The following CNTNAP2 variants were observed in gnomAD, a reference collection of about 807,000 sequenced individuals.
The protein encoded by CNTNAP2 is contactin associated protein 2.
A neutral mutation model predicts 155.2 loss-of-function variants in CNTNAP2; 98 were observed. The observed-to-expected ratio is 0.63, with a 90% CI of 0.54 to 0.75. The LOEUF is 0.75. Ranked by LOEUF, CNTNAP2 falls within the 30% of genes least tolerant of loss-of-function variation. The pLI is 0.00. For synonymous variants in CNTNAP2, 651 were observed against 631.2 expected, an observed-to-expected ratio of 1.03 and a Z score of -0.47; for missense variants, 1,727 against 1,688.1, an observed-to-expected ratio of 1.02 and a Z score of -0.40.
intron 11 of CNTNAP2, among the ~76,000 whole-genome samples, chr7:147,486,596 A>G (rs956155494): frequency 2.0e-5 from 3 of 152,214 alleles, no homozygotes; most frequent in Non-Finnish European, 4.4e-5. Context: ...AAGAGGGTAA[A>G]AATATTTTAA....
intron 13 of CNTNAP2, among the ~76,000 whole-genome samples, chr7:147,864,856 A>G (rs1799200022): frequency 1.3e-5 from 2 of 152,198 alleles, no homozygotes; most frequent in South Asian, 2.1e-4. Flanking sequence ...TAAATATACA[A>G]TCATGTCATC....
intron 10 of CNTNAP2, among the ~76,000 whole-genome samples, chr7:147,436,054 A>G (rs867813737): frequency 1.3e-5 from 2 of 152,178 alleles, no homozygotes; most frequent in African/African-American, 4.8e-5. Context: ...GTAAACAACA[A>G]TGGTGCCAGA....
chr7:148,388,408 C>T (rs1316192424), intron 22 of CNTNAP2, among the ~76,000 whole-genome samples: 2 of 149,778 alleles, frequency 1.3e-5, no homozygotes, highest in Non-Finnish European at 1.5e-5. Context: ...GGTTTTTTGT[C>T]CTTGCGATAG....
At chr7:146,700,304 C>T (rs560786360) in intron 1 of CNTNAP2, among the ~76,000 whole-genome samples, 1 of 152,160 alleles carries the variant, frequency 6.6e-6, no homozygotes, top group East Asian at 1.9e-4. Flanking sequence ...CAGTGGTTTG[C>T]CCTGTGATCC....
chr7:148,197,510 C>T (rs924300529), intron 18 of CNTNAP2, among the ~76,000 whole-genome samples: 10 of 152,232 alleles, frequency 6.6e-5, no homozygotes, highest in Admixed American at 3.3e-4. Context: ...AGTGTTTACC[C>T]GTTCTTTTTA....
At chr7:147,501,931 A>G (rs920619805) in intron 11 of CNTNAP2, among the ~76,000 whole-genome samples, 24 of 152,224 alleles carry the variant, frequency 1.6e-4, no homozygotes, top group Admixed American at 1.6e-3. Flanking sequence ...CTACCAATGA[A>G]CTATCTGAAA....
At chr7:146,699,636 G>A (rs2101777) in intron 1 of CNTNAP2, among the ~76,000 whole-genome samples, 9,217 of 152,090 alleles carry the variant, frequency 0.061, 403 homozygotes, top group African/African-American at 0.12. Context: ...TTGGGCTGTA[G>A]TAAACTAGTT....
chr7:146,663,299 GAAAGAAAGAAAAAGAAAGGA>G (rs1563178208), intron 1 of CNTNAP2, among the ~76,000 whole-genome samples: 1 of 100,996 alleles, frequency 9.9e-6, no homozygotes, highest in Non-Finnish European at 1.8e-5. Context: ...AAAAAAAAAA[GAAAGAAAGAAAAAGAAAGGA>G]AAAAAAAAGA....
chr7:147,192,144 ACT>A (rs1385706333), intron 8 of CNTNAP2, among the ~76,000 whole-genome samples: 1 of 152,168 alleles, frequency 6.6e-6, no homozygotes. Context: ...TCTCAGCAAG[ACT>A]CTCAACACCA....
chr7:148,140,391 G>T (rs999715038), intron 16 of CNTNAP2, among the ~76,000 whole-genome samples: 3 of 151,334 alleles, frequency 2.0e-5, no homozygotes, highest in Non-Finnish European at 4.4e-5. Flanking sequence ...GGTCAATCTG[G>T]CATGGTAAGG....
At chr7:146,295,312 G>GT (rs982431543) in intron 1 of CNTNAP2, among the ~76,000 whole-genome samples, 55 of 143,784 alleles carry the variant, frequency 3.8e-4, no homozygotes, top group East Asian at 1.7e-3. Flanking sequence ...TGCAAAAACT[G>GT]TTTTTTTTGG....
At chr7:148,413,455 TAGTTTTCTTGTAAC>T (rs1799902157) in intron 23 of CNTNAP2, among the ~76,000 whole-genome samples, 2 of 128,310 alleles carry the variant, frequency 1.6e-5, no homozygotes, top group African/African-American at 5.9e-5. Flanking sequence ...TATTGCTCCA[TAGTTTTCTTGTAAC>T]ATTTTTCTGG....
chr7:147,369,743 C>T (rs530421198), intron 9 of CNTNAP2, among the ~76,000 whole-genome samples: 3 of 152,264 alleles, frequency 2.0e-5, no homozygotes, highest in African/African-American at 7.2e-5. Flanking sequence ...TCATAGTTTG[C>T]CCATGCCTGA....
At chr7:146,355,340 A>G (rs1162990595) in intron 1 of CNTNAP2, among the ~76,000 whole-genome samples, 3 of 152,230 alleles carry the variant, frequency 2.0e-5, no homozygotes, top group Non-Finnish European at 4.4e-5. Context: ...ATAGTGTCAG[A>G]TAACTGAAGT....
In CNTNAP2 at chr7:147,378,074, T is replaced by G. The variant is rs561960214; in HGVS notation, c.1499-17535T>G. The G allele has an allele frequency of 3.4e-3, 1,591 of 464,854 alleles. 15 individuals are homozygous for G. The highest frequency in any genetic ancestry group is 4.7e-3 in the Non-Finnish European group (1,065 of 225,862). 28.8% of individuals were successfully genotyped at this position (464,854 alleles called of 1,614,324 possible). A position where few individuals can be genotyped will look rare whatever the true frequency, so the allele number is the denominator to read the frequency against. ...TTACAGTTTTTGTCATTACTTTTAA[T>G]GGCAAAAACCACTATTACTTTTGCA... On this transcript the variant is annotated intron_variant, in intron 9 of 23. Coordinates refer to ENST00000361727, the MANE Select transcript of CNTNAP2 (RefSeq NM_014141.6).
chr7:148,291,348 C>T lies in CNTNAP2; in HGVS notation c.3475+24222C>T, dbSNP rs551325263. Among the ~76,000 whole-genome samples the T allele has an allele frequency of 1.2e-3, 181 of 151,514 alleles. 1 individual carries two copies. Among genetic ancestry groups the T allele is most frequent in the African/African-American group, 3.9e-3 (163 of 41,330 alleles). On this transcript the variant is annotated intron_variant, in intron 21 of 23. Transcript: ENST00000361727. ...ATTTATTATTAAGTAATAACTCACACGATCACAAGGTCCCACAATAGACCA... is the reference window on the plus strand; with the variant it reads ...ATTTATTATTAAGTAATAACTCACATGATCACAAGGTCCCACAATAGACCA...
intron 13 of CNTNAP2, among the ~76,000 whole-genome samples, chr7:147,660,262 A>G (rs1041867560): frequency 6.6e-6 from 1 of 152,178 alleles, no homozygotes; most frequent in African/African-American, 2.4e-5. Flanking sequence ...TTTCCTTTCA[A>G]TGTAGAACCT....
intron 9 of CNTNAP2, among the ~76,000 whole-genome samples, chr7:147,378,929 A>C (rs1291634071): frequency 2.0e-5 from 3 of 151,998 alleles, no homozygotes; most frequent in African/African-American, 7.2e-5. Flanking sequence ...CATAATCCCT[A>C]CATGTCGTGG....
chr7:147,613,876 G>A (rs1223827221), intron 12 of CNTNAP2, among the ~76,000 whole-genome samples: 1 of 152,008 alleles, frequency 6.6e-6, no homozygotes, highest in Non-Finnish European at 1.5e-5. Flanking sequence ...ATGTTATTTT[G>A]TGCTTTCCTC....
Sources: allele counts gnomAD v4.1 joint callset (sites outside exome capture counted in the v4.1 genomes callset), GRCh38; gene constraint gnomAD v4.1.1; transcripts MANE v1.5; gene names NCBI Gene and HGNC (gene_info 2026-07-23, HGNC 2026-07-21).